MRTFB: variants seen among roughly 807,000 people sequenced by gnomAD.
The protein encoded by MRTFB is myocardin-related transcription factor B.
MRTFB carries 29 observed loss-of-function variants against 104.2 expected under a neutral mutation model. The observed-to-expected ratio is 0.28, with a 90% CI of 0.21 to 0.38. MRTFB has a LOEUF of 0.38. Ranked by LOEUF, MRTFB falls within the 10% of genes least tolerant of loss-of-function variation. The pLI, the probability that MRTFB is intolerant of heterozygous loss-of-function variation, is 1.00. For missense variants in MRTFB, 1,270 were observed against 1,341.6 expected (o/e 0.95, Z 0.83); for synonymous variants, 535 against 519.5 (o/e 1.03, Z -0.41).
Position 14,246,965 on chromosome 16 carries a change from G to A in MRTFB, c.1705G>A (p.Glu569Lys), listed in dbSNP as rs1377168338. 9.3e-6 allele frequency: 15 copies of A among 1,613,958 alleles called. No individual in the cohort carries two copies. The highest frequency in any genetic ancestry group is 4.0e-5 in the African/African-American group (3 of 74,936). Residue 569 changes from glutamate (E) to lysine (K), a missense_variant, in exon 12 of 17, where the codon GAA becomes AAA. Physicochemically the swap from Glu to Lys is moderately conservative, Grantham distance 56. Coordinates refer to ENST00000571589, the MANE Select transcript of MRTFB (RefSeq NM_001308142.2). ...GTCAAACCTGGAACTGGATGCAGCC[G>A]AAAAGGATCGCAAGCTTCAGGAGAA... ...TLSNLELDAAEKDRKLQEKEK... is the reference protein window; with the variant it reads ...TLSNLELDAAKKDRKLQEKEK...
rs34343240 is a variant in MRTFB, at chr16:14,252,391, A to G, written c.2592A>G (p.Gln864=). The G allele has an allele frequency of 1.9e-3, 3,009 of 1,611,840 alleles. 51 individuals carry two copies. In the African/African-American group the frequency reaches 0.035, roughly 19 times the overall value. Residue 864 remains glutamine (Q), a synonymous_variant, in exon 15 of 17, where the codon CAA becomes CAG. Transcript: ENST00000571589. ...CTAGTTCACCCCCGCCACCCCAGCA[A>G]TTTGTCGTCCAGCACTCTCTATTTG... The part of the protein sequence containing the change: ...NKPSSPPPPQ[Q]FVVQHSLFGS...
chr16:14,247,634 T>G, intron 12 of MRTFB, 127 bp downstream of exon 12: 1 of 793,672 alleles, frequency 1.3e-6, no homozygotes, highest in Non-Finnish European at 1.9e-6. Flanking sequence ...AGAAAACGTA[T>G]GCATGTGTGA....
the MRTFB span, among the ~76,000 whole-genome samples, chr16:14,045,948 G>T: frequency 6.6e-6 from 1 of 152,204 alleles, no homozygotes; most frequent in Non-Finnish European, 1.5e-5. Flanking sequence ...AGAGTGTCTA[G>T]TAAAGAATAG....
chr16:14,231,248 C>T (rs1029296364), intron 8 of MRTFB, among the ~76,000 whole-genome samples: 10 of 151,384 alleles, frequency 6.6e-5, no homozygotes, highest in African/African-American at 2.2e-4. Context: ...CTAACCTGCA[C>T]ATTGTGCACA....
chr16:14,033,000 G>C, the MRTFB span, among the ~76,000 whole-genome samples: 1 of 150,534 alleles, frequency 6.6e-6, no homozygotes, highest in African/African-American at 2.4e-5. Context: ...AGAGAAAAAG[G>C]TTTGTTTCCC....
At chr16:14,187,343 C>CCT (rs1382092350) in intron 3 of MRTFB, among the ~76,000 whole-genome samples, 2 of 151,956 alleles carry the variant, frequency 1.3e-5, no homozygotes, top group African/African-American at 4.8e-5. Flanking sequence ...TTTTCTCTTC[C>CCT]CTCTGTCTTT....
At chr16:14,052,359 A>G in the MRTFB span, among the ~76,000 whole-genome samples, 1 of 152,222 alleles carries the variant, frequency 6.6e-6, no homozygotes. Context: ...TAATGATCAC[A>G]TCGGGGTATT....
the MRTFB span, chr16:14,016,139 C>T: frequency 2.5e-6 from 1 of 395,392 alleles, no homozygotes; most frequent in African/African-American, 2.1e-5. Flanking sequence ...CAAGTTACTT[C>T]ACTTCTCTGA....
intron 2 of MRTFB, among the ~76,000 whole-genome samples, chr16:14,096,229 C>T (rs758442307): frequency 1.3e-4 from 19 of 151,998 alleles, no homozygotes; most frequent in Non-Finnish European, 1.8e-4. Context: ...ATGTCCACCA[C>T]GCCCAGCTAA....
chr16:14,258,528 A>G (rs2043617302), intron 16 of MRTFB, among the ~76,000 whole-genome samples: 1 of 152,234 alleles, frequency 6.6e-6, no homozygotes, highest in Admixed American at 6.5e-5. Flanking sequence ...CCAGGAGGTC[A>G]AGGCTGCAGT....
intron 3 of MRTFB, among the ~76,000 whole-genome samples, chr16:14,194,186 G>A (rs1405765421): frequency 6.6e-6 from 1 of 152,180 alleles, no homozygotes; most frequent in African/African-American, 2.4e-5. Flanking sequence ...AGTTGTATTT[G>A]TATTGCTTAT....
In MRTFB at chr16:14,252,474, C is replaced by T. The variant is rs770950285; in HGVS notation, c.2675C>T (p.Thr892Ile). Residue 892 changes from threonine to isoleucine, a missense_variant, in exon 15 of 17, where the codon ACA becomes ATA. Physicochemically the swap from Thr to Ile is moderately conservative, Grantham distance 89. Coordinates refer to ENST00000571589, the MANE Select transcript of MRTFB (RefSeq NM_001308142.2). ...CGCTATGAGGAGGCCATCAAGCAGA[C>T]ACGCAGCACACAGGCCCCTCTGCCA... ...PPRYEEAIKQ[T>I]RSTQAPLPEI... 1 of 1,613,942 alleles carries T rather than the reference C, an allele frequency of 6.2e-7. No homozygotes were observed. The highest frequency in any genetic ancestry group is 1.3e-5 in the African/African-American group (1 of 74,942).
chr16:14,234,448 T>A (rs968842526), intron 9 of MRTFB, among the ~76,000 whole-genome samples, 165 bp downstream of exon 9: 19 of 152,178 alleles, frequency 1.2e-4, no homozygotes, highest in African/African-American at 4.6e-4. Context: ...GGGGTCTTCA[T>A]GTTTGAAATT....
At chr16:14,217,974 T>G (rs1448818835) in intron 7 of MRTFB, among the ~76,000 whole-genome samples, 1 of 152,194 alleles carries the variant, frequency 6.6e-6, no homozygotes, top group Non-Finnish European at 1.5e-5. Context: ...GAGATGTCAG[T>G]GTAGCTGGGT....
At chr16:14,048,100 T>C in the MRTFB span, among the ~76,000 whole-genome samples, 5 of 152,214 alleles carry the variant, frequency 3.3e-5, no homozygotes, top group East Asian at 3.9e-4. Context: ...TTGGCCAAAA[T>C]GAAGGGGCTA....
At chr16:14,241,964 CAATAATAATAATAATAATAATAATAAT>C (rs34609591) in intron 10 of MRTFB, among the ~76,000 whole-genome samples, 7 of 138,576 alleles carry the variant, frequency 5.1e-5, no homozygotes, top group Non-Finnish European at 7.8e-5. Context: ...CATTGGGCAC[CAATAATAATAATAATAATAATAATAAT>C]AATAATAATA....
In MRTFB at chr16:14,177,912, G is replaced by GTC. The variant is rs1220051102; in HGVS notation, c.155-32330_155-32329insCT. The stretch of plus-strand genomic sequence containing the variant: ...CATGAACCAGAGGTAGGGTGTGTGT[G>GTC]TGTGTGTGTGTGTGTGTGTGTGTGC... On this transcript the variant is annotated intron_variant, in intron 3 of 16. Coordinates refer to ENST00000571589, the MANE Select transcript of MRTFB (RefSeq NM_001308142.2). This position sits in a 1 kb window ranked among gnomAD's most constrained non-coding sequence, Gnocchi z 4.7. Among the ~76,000 whole-genome samples, 3 of 150,944 alleles carry GTC rather than the reference G, an allele frequency of 2.0e-5. No homozygotes were observed. The highest frequency in any genetic ancestry group is 7.3e-5 in the African/African-American group (3 of 40,942).
At chr16:14,117,157 T>G (rs1049642192) in intron 2 of MRTFB, among the ~76,000 whole-genome samples, 1 of 152,270 alleles carries the variant, frequency 6.6e-6, no homozygotes, top group Admixed American at 6.5e-5. Flanking sequence ...AATTATTTCC[T>G]GCCTTAGAGT....
intron 2 of MRTFB, among the ~76,000 whole-genome samples, chr16:14,111,888 C>A (rs2036286555): frequency 6.6e-6 from 1 of 152,180 alleles, no homozygotes; most frequent in African/African-American, 2.4e-5. Flanking sequence ...TCCACTGCCA[C>A]ACCCACCTGG....
Sources: allele counts gnomAD v4.1 joint callset (sites outside exome capture counted in the v4.1 genomes callset), GRCh38; gene constraint gnomAD v4.1.1; non-coding constraint Gnocchi (gnomAD v3.1); transcripts MANE v1.5; gene names NCBI Gene and HGNC (gene_info 2026-07-23, HGNC 2026-07-21).